The following ANKRD11 variants were observed in gnomAD, a reference collection of about 807,000 sequenced individuals.
ANKRD11 encodes ankyrin repeat domain 11, also known as ankyrin repeat domain-containing protein 11.
Under a neutral mutation model 195.7 loss-of-function variants are expected in ANKRD11, and 17 were observed. That is an observed-to-expected ratio of 0.09 (90% CI 0.06 to 0.13). ANKRD11 has a LOEUF of 0.13. Ranked by LOEUF, ANKRD11 falls within the 10% of genes least tolerant of loss-of-function variation. The pLI, the probability that ANKRD11 is intolerant of heterozygous loss-of-function variation, is 1.00. For synonymous variants in ANKRD11, 1,953 were observed against 1,528.1 expected (o/e 1.28, Z -6.49); for missense variants, 3,735 against 3,566.1 (o/e 1.05, Z -1.21).
intron 9 of ANKRD11, chr16:89,278,341 G>A (rs545085689): frequency 3.4e-5 from 12 of 353,950 alleles, no homozygotes; most frequent in Middle Eastern, 1.0e-3. Flanking sequence ...GTCAGGCCCC[G>A]CGGCCCAGGG....
chr16:89,280,132 G>A lies in ANKRD11; in HGVS notation c.6410C>T (p.Ser2137Phe). 6.2e-7 allele frequency: 1 copy of A among 1,612,246 alleles called. No individual in the cohort carries two copies. Among genetic ancestry groups the A allele is most frequent in the Non-Finnish European group, 8.5e-7 (1 of 1,179,572 alleles). ...AGTCTGCAGGGGAAGCTCCGGCAGGGAGAAGGGCCCCAGGTCCAGGTCGTC... is the reference window on the plus strand; with the variant it reads ...AGTCTGCAGGGGAAGCTCCGGCAGGAAGAAGGGCCCCAGGTCCAGGTCGTC... ...PEDDLDLGPF[S>F]LPELPLQTKD... Residue 2137 changes from serine (S) to phenylalanine (F), a missense_variant, in exon 9 of 13, where the codon TCC becomes TTC. By Grantham distance (155) the Ser-to-Phe change is radical. Transcript: ENST00000301030.
intron 2 of ANKRD11, among the ~76,000 whole-genome samples, chr16:89,361,130 T>G (rs1286185606): frequency 1.3e-5 from 2 of 152,222 alleles, no homozygotes; most frequent in African/African-American, 4.8e-5. Flanking sequence ...ACAGACACCC[T>G]GGCTAGGCCC....
At chr16:89,297,330 A>C (rs2035504813) in intron 4 of ANKRD11, among the ~76,000 whole-genome samples, 1 of 152,222 alleles carries the variant, frequency 6.6e-6, no homozygotes, top group African/African-American at 2.4e-5. Context: ...GGATGTTTCC[A>C]TGGCGATATT....
At chr16:89,269,873 G>C (rs1218420289) in intron 12 of ANKRD11, 1 of 152,200 alleles carries the variant, frequency 6.6e-6, no homozygotes, top group Admixed American at 6.5e-5. Context: ...TGGGATTACA[G>C]GTGTGAGCAA....
intron 1 of ANKRD11, among the ~76,000 whole-genome samples, chr16:89,464,538 G>A (rs2056814248): frequency 6.7e-6 from 1 of 150,134 alleles, no homozygotes; most frequent in South Asian, 2.1e-4. Context: ...AACCTGGGAG[G>A]TGGAGGCTGT....
chr16:89,490,391 T>C lies in ANKRD11; in HGVS notation c.-291A>G. On this transcript the variant is annotated 5_prime_UTR_variant, in exon 1 of 13. Transcript: ENST00000301030. ...GGCGCGGGCTCGGGCCCGGCAGAGC[T>C]GCGAGGGACGGCGGGAGGCGAGCCC... is the stretch of plus-strand genomic sequence containing the variant. 1 of 215,266 alleles carries C rather than the reference T, an allele frequency of 4.6e-6. No homozygotes were observed. Among genetic ancestry groups the C allele is most frequent in the East Asian group, 9.4e-5 (1 of 10,662 alleles). 13.3% of individuals were successfully genotyped at this position (215,266 alleles called of 1,614,324 possible).
At chr16:89,368,835 C>T (rs11859250) in intron 2 of ANKRD11, among the ~76,000 whole-genome samples, 8 of 152,042 alleles carry the variant, frequency 5.3e-5, no homozygotes, top group Non-Finnish European at 1.2e-4. Flanking sequence ...AGGAGGTTGA[C>T]GCCACAGTGA....
intron 2 of ANKRD11, among the ~76,000 whole-genome samples, chr16:89,335,771 G>A (rs2151978583): frequency 6.6e-6 from 1 of 152,328 alleles, no homozygotes; most frequent in African/African-American, 2.4e-5. Context: ...GTGACAGTGA[G>A]AGGCCCCAGT....
At chr16:89,290,984 G>A (rs748558994) in intron 5 of ANKRD11, 29 bp downstream of exon 5, 39 of 1,609,976 alleles carry the variant, frequency 2.4e-5, no homozygotes, top group East Asian at 6.7e-5. Context: ...CCTTCCCTGC[G>A]CCAGGGACCA....
chr16:89,344,025 C>T (rs1353614170), intron 2 of ANKRD11, among the ~76,000 whole-genome samples: 2 of 152,184 alleles, frequency 1.3e-5, no homozygotes, highest in Non-Finnish European at 2.9e-5. Context: ...TGCAGGCGGC[C>T]AGCCACTCCT....
rs775544970 is a variant in ANKRD11, at chr16:89,280,510, G to A, written c.6032C>T (p.Ser2011Leu). The change falls in exon 9 of 13, where the codon TCG (serine) becomes TTG (leucine). Residue 2011 changes from serine (S) to leucine (L), a missense_variant. By Grantham distance (145) the Ser-to-Leu change is moderately radical (BLOSUM62 -2). Transcript: ENST00000301030. Reference protein sequence around the residue: ...HSAAPGPFSASEAPYPAPPAS... With the variant: ...HSAAPGPFSALEAPYPAPPAS... ...GGGAGGGGCGGGGTACGGCGCCTCC[G>A]AGGCGCTGAAGGGCCCTGGGGCGGC... 7 of 1,607,106 alleles carry A rather than the reference G, an allele frequency of 4.4e-6. No individual in the cohort carries two copies. Among genetic ancestry groups the A allele is most frequent in the Admixed American group, 1.7e-5 (1 of 59,460 alleles).
chr16:89,318,567 T>TA (rs2151924924), intron 2 of ANKRD11, among the ~76,000 whole-genome samples: 1 of 100,572 alleles, frequency 9.9e-6, no homozygotes, highest in Non-Finnish European at 2.3e-5. Context: ...CAGACCCATC[T>TA]GTGAGTGGCA....
At chr16:89,278,840 G>A (rs1421076605) in intron 9 of ANKRD11, 1 of 731,312 alleles carries the variant, frequency 1.4e-6, no homozygotes, top group East Asian at 2.8e-5. Context: ...TCAGGAGACC[G>A]AGGCCTGGCA....
At chr16:89,345,991 C>T (rs975884464) in intron 2 of ANKRD11, among the ~76,000 whole-genome samples, 7 of 152,116 alleles carry the variant, frequency 4.6e-5, no homozygotes, top group African/African-American at 9.7e-5. Flanking sequence ...CCTGTAATCC[C>T]AGCACTTTGG....
intron 2 of ANKRD11, among the ~76,000 whole-genome samples, chr16:89,340,360 C>A (rs1465300911): frequency 6.6e-6 from 1 of 152,248 alleles, no homozygotes; most frequent in Non-Finnish European, 1.5e-5. Flanking sequence ...TCACTGCAAC[C>A]TCCACCTCCC....
intron 1 of ANKRD11, among the ~76,000 whole-genome samples, chr16:89,483,634 G>A (rs1268703973): frequency 6.6e-6 from 1 of 152,118 alleles, no homozygotes; most frequent in Non-Finnish European, 1.5e-5. Flanking sequence ...TTTGAGACCA[G>A]CCTGACCAAC....
intron 4 of ANKRD11, among the ~76,000 whole-genome samples, chr16:89,293,054 C>A (rs896876818): frequency 1.3e-5 from 2 of 152,192 alleles, no homozygotes; most frequent in Non-Finnish European, 2.9e-5. Flanking sequence ...CAGGAGGGGC[C>A]CACACTCACC....
At chr16:89,339,213 C>T (rs2151990430) in intron 2 of ANKRD11, among the ~76,000 whole-genome samples, 2 of 152,328 alleles carry the variant, frequency 1.3e-5, no homozygotes, top group Admixed American at 1.3e-4. Flanking sequence ...TTTTTCAGTC[C>T]ATTATCACAA....
chr16:89,441,234 T>G (rs2043449138), intron 1 of ANKRD11, among the ~76,000 whole-genome samples: 1 of 149,428 alleles, frequency 6.7e-6, no homozygotes, highest in Non-Finnish European at 1.5e-5. Context: ...AGACTCCGTC[T>G]CAAAAAAAAA....
Sources: allele counts gnomAD v4.1 joint callset (sites outside exome capture counted in the v4.1 genomes callset), GRCh38; gene constraint gnomAD v4.1.1; transcripts MANE v1.5; gene names NCBI Gene and HGNC (gene_info 2026-07-23, HGNC 2026-07-21).